RIT2: variants seen among roughly 807,000 people sequenced by gnomAD.
RIT2 encodes the protein Ras like without CAAX 2.
A neutral mutation model predicts 23.7 loss-of-function variants in RIT2; 24 were observed. The observed-to-expected ratio is 1.01, with a 90% CI of 0.73 to 1.43. The LOEUF (loss-of-function observed/expected upper bound fraction) is 1.43. Ranked by LOEUF, RIT2 falls within the 40% of genes most tolerant of loss-of-function variation. RIT2 has a pLI of 0.00. For synonymous variants in RIT2, 107 were observed against 91.1 expected (o/e 1.17, Z -0.99); for missense variants, 236 against 266.9 (o/e 0.88, Z 0.81).
intron 2 of RIT2, among the ~76,000 whole-genome samples, chr18:42,990,495 C>T (rs1433236278): frequency 1.3e-5 from 2 of 152,320 alleles, no homozygotes; most frequent in African/African-American, 4.8e-5. Context: ...CTTGCCCAGT[C>T]AGAAACCGTT....
intron 3 of RIT2, among the ~76,000 whole-genome samples, chr18:42,942,486 T>C (rs1164532222): frequency 6.6e-6 from 1 of 152,122 alleles, no homozygotes; most frequent in East Asian, 1.9e-4. Context: ...CCTTCGACAG[T>C]AGGTCACAAA....
chr18:42,984,356 T>A (rs1393052104), intron 2 of RIT2, among the ~76,000 whole-genome samples: 2 of 152,064 alleles, frequency 1.3e-5, no homozygotes, highest in Non-Finnish European at 2.9e-5. Flanking sequence ...ATTATTTACA[T>A]GACAAAATTG....
chr18:43,057,245 A>G (rs898294487), intron 1 of RIT2, among the ~76,000 whole-genome samples: 2 of 152,066 alleles, frequency 1.3e-5, no homozygotes, highest in African/African-American at 4.8e-5. Context: ...TAATCAGTAG[A>G]CCTATTTTCT....
At position 43,067,861 on chromosome 18, in the gene RIT2, C is replaced by T. The variant is rs982052025; in HGVS notation, c.104-33994G>A. On this transcript the variant is annotated intron_variant, in intron 1 of 4. Coordinates refer to ENST00000326695, the MANE Select transcript of RIT2 (RefSeq NM_002930.4). ...AATCTTTCAGGTTAACTTTGGGGTGCCCCTAGCTGACAGCAGAGAGTTCAT... is the reference window on the plus strand; with the variant it reads ...AATCTTTCAGGTTAACTTTGGGGTGTCCCTAGCTGACAGCAGAGAGTTCAT... Among the ~76,000 whole-genome samples the T allele has an allele frequency of 2.0e-5, 3 of 151,964 alleles. No individual in the cohort carries two copies. In the East Asian group the frequency reaches 5.8e-4, roughly 29 times the overall value.
At chr18:43,002,177 T>A (rs546527440) in intron 2 of RIT2, among the ~76,000 whole-genome samples, 1 of 152,002 alleles carries the variant, frequency 6.6e-6, no homozygotes, top group South Asian at 2.1e-4. Flanking sequence ...GTCCAAGAGT[T>A]TAAAAGTTGA....
chr18:42,849,952 C>T (rs989334196), intron 4 of RIT2, among the ~76,000 whole-genome samples: 23 of 152,040 alleles, frequency 1.5e-4, no homozygotes, highest in Non-Finnish European at 2.2e-4. Context: ...TCTAAGTTTC[C>T]CTTAAACAAT....
At chr18:42,878,900 C>T (rs1946257311) in intron 4 of RIT2, among the ~76,000 whole-genome samples, 1 of 144,312 alleles carries the variant, frequency 6.9e-6, no homozygotes, top group South Asian at 2.2e-4. Context: ...CGTATTTTGA[C>T]TAGAGTATTA....
intron 4 of RIT2, among the ~76,000 whole-genome samples, chr18:42,910,359 C>T (rs1432907937): frequency 6.6e-6 from 1 of 152,108 alleles, no homozygotes; most frequent in Non-Finnish European, 1.5e-5. Context: ...AAATCTGCTT[C>T]AAGCATTATT....
chr18:43,036,074 T>C (rs977930969), intron 1 of RIT2, among the ~76,000 whole-genome samples: 2 of 152,216 alleles, frequency 1.3e-5, no homozygotes, highest in African/African-American at 4.8e-5. Context: ...TTAATTGCTA[T>C]GCAATTGGGA....
At chr18:42,757,545 C>T (rs1369852522) in intron 4 of RIT2, among the ~76,000 whole-genome samples, 1 of 152,084 alleles carries the variant, frequency 6.6e-6, no homozygotes, top group Non-Finnish European at 1.5e-5. Flanking sequence ...AAGTTCTAAC[C>T]CTAGTATCTA....
intron 4 of RIT2, among the ~76,000 whole-genome samples, chr18:42,853,748 A>G (rs1308320260): frequency 6.6e-6 from 1 of 152,154 alleles, no homozygotes; most frequent in African/African-American, 2.4e-5. Flanking sequence ...AATTTTCAGT[A>G]ATTGTATGGA....
Position 42,824,159 on chromosome 18 carries a change from T to C in RIT2, c.427-80439A>G, listed in dbSNP as rs113141025. On this transcript the variant is annotated intron_variant, in intron 4 of 4. Transcript: ENST00000326695. Reference sequence around the variant, plus strand: ...GAGTTTATAACTTCCTGAGAAATAATTGAACTTTCAACTCTTCTTCAAAAT... The same window carrying C: ...GAGTTTATAACTTCCTGAGAAATAACTGAACTTTCAACTCTTCTTCAAAAT... Among the ~76,000 whole-genome samples, 1,300 of 152,270 alleles carry C rather than the reference T, an allele frequency of 8.5e-3. 19 individuals are homozygous for C. The highest frequency in any genetic ancestry group is 0.014 in the Non-Finnish European group (927 of 67,966).
At chr18:42,999,665 T>A (rs188164601) in intron 2 of RIT2, among the ~76,000 whole-genome samples, 56 of 152,170 alleles carry the variant, frequency 3.7e-4, no homozygotes, top group African/African-American at 1.3e-3. Context: ...CAGTACCTGA[T>A]CCATGAAATC....
At chr18:42,955,451 C>G (rs942308029) in intron 3 of RIT2, among the ~76,000 whole-genome samples, 3 of 152,104 alleles carry the variant, frequency 2.0e-5, no homozygotes, top group Non-Finnish European at 4.4e-5. Context: ...TAAGATGCCC[C>G]AACACTCTCT....
At chr18:43,045,853 A>G (rs1912235282) in intron 1 of RIT2, among the ~76,000 whole-genome samples, 1 of 151,150 alleles carries the variant, frequency 6.6e-6, no homozygotes, top group South Asian at 2.1e-4. Context: ...AAAAAAACTG[A>G]AAATGGAGGA....
chr18:43,083,701 A>G (rs971216824), intron 1 of RIT2, among the ~76,000 whole-genome samples: 8 of 152,160 alleles, frequency 5.3e-5, no homozygotes, highest in Non-Finnish European at 1.0e-4. Context: ...CTGAAACTGG[A>G]CCCCTTCTTT....
chr18:42,947,455 C>T (rs1909754213), intron 3 of RIT2, among the ~76,000 whole-genome samples: 1 of 152,020 alleles, frequency 6.6e-6, no homozygotes, highest in Non-Finnish European at 1.5e-5. Flanking sequence ...AATTGAGTTC[C>T]TTCAGTGTTT....
At chr18:42,767,148 C>G (rs994794621) in intron 4 of RIT2, among the ~76,000 whole-genome samples, 1 of 152,154 alleles carries the variant, frequency 6.6e-6, no homozygotes, top group Admixed American at 6.5e-5. Context: ...GGCCATGGTC[C>G]TCCAGATCCC....
At chr18:42,755,298 C>T (rs972159607) in intron 4 of RIT2, among the ~76,000 whole-genome samples, 1 of 152,150 alleles carries the variant, frequency 6.6e-6, no homozygotes, top group Admixed American at 6.6e-5. Flanking sequence ...ATACCACTCT[C>T]CCTCATCGAT....
Sources: gnomAD v4.1 joint callset for allele counts (sites outside exome capture counted in the v4.1 genomes callset) on GRCh38, gnomAD v4.1.1 for gene constraint, MANE v1.5 for transcripts, NCBI Gene and HGNC (gene_info 2026-07-23, HGNC 2026-07-21) for gene names.